The following MRPS14 variants were observed in gnomAD, a reference collection of about 807,000 sequenced individuals.
The protein encoded by MRPS14 is mitochondrial ribosomal protein S14, also known as small ribosomal subunit protein uS14m.
In MRPS14, 14 loss-of-function variants were observed where a neutral mutation model predicts 16.4. The observed-to-expected ratio is 0.85, with a 90% CI of 0.56 to 1.33. The LOEUF is 1.33. Among genes scored for constraint, MRPS14 ranks in the 40% most tolerant of loss-of-function variants. The pLI is 0.00. For missense variants in MRPS14, 162 were observed against 176.8 expected (o/e 0.92, Z 0.48); for synonymous variants, 54 against 61.9 (o/e 0.87, Z 0.60).
chr1:175,020,833 G>A (rs887809249), intron 1 of MRPS14, among the ~76,000 whole-genome samples: 4 of 152,228 alleles, frequency 2.6e-5, no homozygotes, highest in African/African-American at 7.2e-5. Flanking sequence ...CTACTGTGGT[G>A]TATTTCCTTA....
intron 1 of MRPS14, among the ~76,000 whole-genome samples, chr1:175,019,407 G>A (rs1254130283): frequency 2.0e-5 from 3 of 152,064 alleles, no homozygotes; most frequent in African/African-American, 4.8e-5. Flanking sequence ...TCAGCCTCCT[G>A]AGTAGCTCAG....
At chr1:175,021,037 C>T (rs990937412) in intron 1 of MRPS14, among the ~76,000 whole-genome samples, 2 of 152,160 alleles carry the variant, frequency 1.3e-5, no homozygotes, top group Non-Finnish European at 2.9e-5. Flanking sequence ...TTGCTCTGGC[C>T]GAATTTTAAA....
At chr1:175,023,113 C>T (rs148769593) in intron 1 of MRPS14, among the ~76,000 whole-genome samples, 1 of 152,350 alleles carries the variant, frequency 6.6e-6, no homozygotes, top group East Asian at 1.9e-4. Flanking sequence ...CGTCTCCTAT[C>T]TGCTTACTCC....
At chr1:175,017,067 T>G (rs1329149293) in intron 2 of MRPS14, among the ~76,000 whole-genome samples, 18 of 151,794 alleles carry the variant, frequency 1.2e-4, no homozygotes, top group Admixed American at 1.2e-3. Flanking sequence ...CTTTTTTTTT[T>G]GTTTTGAGAC....
chr1:175,014,551 G>T lies in MRPS14; in HGVS notation c.*118C>A. 1 of 984,230 alleles carries T rather than the reference G, an allele frequency of 1.0e-6. No homozygotes were observed. The highest frequency in any genetic ancestry group is 1.4e-6 in the Non-Finnish European group (1 of 690,634). 61.0% of individuals were successfully genotyped at this position (984,230 alleles called of 1,614,324 possible). ...GTAGTTTAGAGATAGCATCAGGTAG[G>T]CCAAACAACTGTACTGGGCCCCTGT... On this transcript the variant is annotated 3_prime_UTR_variant, in exon 3 of 3. Transcript: ENST00000476371.
At position 175,023,393 on chromosome 1, in the gene MRPS14, G is replaced by C. The variant is rs1673016823; in HGVS notation, c.16C>G (p.Leu6Val). 1 of 1,614,074 alleles carries C rather than the reference G, an allele frequency of 6.2e-7. No individual in the cohort carries two copies. The highest frequency in any genetic ancestry group is 1.3e-5 in the African/African-American group (1 of 74,940). The part of the protein sequence containing the change: MAAFM[L>V]GSLLRTFKQM... ...TTGAACGTCCGCAGCAGCGAGCCCA[G>C]CATGAAGGCCGCCATGTTGTCCGCT... The change falls in exon 1 of 3, where the codon CTG becomes GTG. Residue 6 changes from leucine to valine, a missense_variant. Transcript: ENST00000476371.
rs1325409777 is a variant in MRPS14 at position 175,014,658 on chromosome 1, C to T, written c.*11G>A. On this transcript the variant is annotated 3_prime_UTR_variant, in exon 3 of 3. Transcript: ENST00000476371. ...GGCTTCCCTGCAAGCTCAATAGGTT[C>T]TGGAGCTCATTTACCATGTCGCTCG... 5.0e-6 allele frequency: 8 copies of T among 1,601,052 alleles called. No individual in the cohort carries two copies. Among genetic ancestry groups the T allele is most frequent in the Non-Finnish European group, 6.8e-6 (8 of 1,174,344 alleles).
At chr1:175,014,907 G>A (rs116095910) in intron 2 of MRPS14, 56 bp from the exon 3 acceptor site, 14 of 1,488,574 alleles carry the variant, frequency 9.4e-6, no homozygotes, top group Non-Finnish European at 1.2e-5. Flanking sequence ...CATGTATTTT[G>A]CTCCTTCTCA....
chr1:175,014,805 G>A lies in MRPS14; in HGVS notation c.251C>T (p.Pro84Leu), dbSNP rs373659830. 23 of 1,613,986 alleles carry A rather than the reference G, an allele frequency of 1.4e-5. No homozygotes were observed. The highest frequency in any genetic ancestry group is 1.9e-5 in the Non-Finnish European group (23 of 1,180,028). Residue 84 changes from proline to leucine, a missense_variant, in exon 3 of 3, where the codon CCT becomes CTT. Physicochemically the swap from Pro to Leu is moderately conservative, Grantham distance 98. Coordinates refer to ENST00000476371, the MANE Select transcript of MRPS14 (RefSeq NM_022100.3). ...AACACACCGATTTCTGATTCTAACAGGACAGCTATCCCGGGGGAGGGCAGC... is the reference window on the plus strand; with the variant it reads ...AACACACCGATTTCTGATTCTAACAAGACAGCTATCCCGGGGGAGGGCAGC... ...EIAALPRDSC[P>L]VRIRNRCVMT... is the part of the protein sequence containing the mutation.
At chr1:175,015,029 C>A (rs1414537242) in intron 2 of MRPS14, among the ~76,000 whole-genome samples, 178 bp from the exon 3 acceptor site, 1 of 150,188 alleles carries the variant, frequency 6.7e-6, no homozygotes, top group East Asian at 2.0e-4. Flanking sequence ...CTCACTGCAA[C>A]CTCCGCCTCC....
At chr1:175,017,388 T>C (rs924270310) in intron 2 of MRPS14, among the ~76,000 whole-genome samples, 2 of 152,212 alleles carry the variant, frequency 1.3e-5, no homozygotes, top group African/African-American at 4.8e-5. Flanking sequence ...AGTAGCTTAA[T>C]GCCACTTTAG....
rs1442331633 is a variant in MRPS14 at position 175,013,223 on chromosome 1, C to CT, written c.*1445dup. On this transcript the variant is annotated 3_prime_UTR_variant, in exon 3 of 3. Transcript: ENST00000476371. ...TTCACCTCCACCTGAGTTTCGGACTCTGCTATCCAGCTGCGTACTAGTCTT... is the reference window on the plus strand; with the variant it reads ...TTCACCTCCACCTGAGTTTCGGACTCTTGCTATCCAGCTGCGTACTAGTCTT... 2 of 152,194 alleles carry CT rather than the reference C, an allele frequency of 1.3e-5. No homozygotes were observed. Among genetic ancestry groups the CT allele is most frequent in the Admixed American group, 6.5e-5 (1 of 15,276 alleles). 9.4% of individuals were successfully genotyped at this position (152,194 alleles called of 1,614,324 possible).
intron 1 of MRPS14, among the ~76,000 whole-genome samples, chr1:175,023,113 C>G (rs148769593): frequency 6.6e-6 from 1 of 152,232 alleles, no homozygotes; most frequent in Non-Finnish European, 1.5e-5. Context: ...CGTCTCCTAT[C>G]TGCTTACTCC....
Position 175,018,549 on chromosome 1 carries a change from C to T in MRPS14, c.73G>A (p.Val25Ile). 2.5e-6 allele frequency: 4 copies of T among 1,603,246 alleles called. No homozygotes were observed. The highest frequency in any genetic ancestry group is 3.4e-6 in the Non-Finnish European group (4 of 1,177,144). Reference sequence around the variant, plus strand: ...CTCCAGTCTACATAGTGACTTCGAACTTGGCCTGAAGCTGATGAAGGAACC... The same window carrying T: ...CTCCAGTCTACATAGTGACTTCGAATTTGGCCTGAAGCTGATGAAGGAACC... The part of the protein sequence containing the change: ...QMVPSSASGQ[V>I]RSHYVDWRMW... The change falls in exon 2 of 3, where the codon GTT becomes ATT. Residue 25 changes from valine (V) to isoleucine (I), a missense_variant. Physicochemically the swap from Val to Ile is conservative, Grantham distance 29. Coordinates refer to ENST00000476371, the MANE Select transcript of MRPS14 (RefSeq NM_022100.3).
chr1:175,019,598 G>A (rs1026518353), intron 1 of MRPS14, among the ~76,000 whole-genome samples: 1 of 152,112 alleles, frequency 6.6e-6, no homozygotes, highest in South Asian at 2.1e-4. Context: ...GCCTGATGAG[G>A]ATAGATTATT....
At chr1:175,018,332 C>A (rs1159994782) in intron 2 of MRPS14, 86 bp downstream of exon 2, 1 of 1,238,724 alleles carries the variant, frequency 8.1e-7, no homozygotes, top group Middle Eastern at 2.2e-4. Context: ...TATATTGATA[C>A]CAAGTCACAA....
intron 1 of MRPS14, 63 bp downstream of exon 1, chr1:175,023,301 G>A (rs1202157865): frequency 8.2e-6 from 13 of 1,594,404 alleles, no homozygotes; most frequent in South Asian, 3.4e-5. Context: ...AGCCGTGGGG[G>A]ACCCGTGGGT....
rs925441349 is a variant in MRPS14, at chr1:175,014,047, CTT to C, written c.*620_*621del. ...AGGGAATATATACTGTTCCAACAAA[CTT>C]TTCCTCTTTAGATGGAGACTTTCAA... On this transcript the variant is annotated 3_prime_UTR_variant, in exon 3 of 3. Transcript: ENST00000476371. The C allele has an allele frequency of 1.3e-5, 2 of 152,544 alleles. No homozygotes were observed. The highest frequency in any genetic ancestry group is 1.9e-4 in the East Asian group (1 of 5,210). 9.4% of individuals were successfully genotyped at this position (152,544 alleles called of 1,614,324 possible).
At chr1:175,020,819 A>C (rs1419806486) in intron 1 of MRPS14, among the ~76,000 whole-genome samples, 3 of 152,088 alleles carry the variant, frequency 2.0e-5, no homozygotes, top group Non-Finnish European at 2.9e-5. Flanking sequence ...CTTTGTCTGC[A>C]TTTCTACTGT....
Sources: gnomAD v4.1 joint callset for allele counts (sites outside exome capture counted in the v4.1 genomes callset) on GRCh38, gnomAD v4.1.1 for gene constraint, MANE v1.5 for transcripts, NCBI Gene and HGNC (gene_info 2026-07-23, HGNC 2026-07-21) for gene names.